The following BIN2 variants were observed in gnomAD, a reference collection of about 807,000 sequenced individuals.
The protein encoded by BIN2 is bridging integrator 2.
In BIN2, 43 loss-of-function variants were observed where a neutral mutation model predicts 67.9. That is an observed-to-expected ratio of 0.63 (90% CI 0.50 to 0.82). The LOEUF (loss-of-function observed/expected upper bound fraction) is 0.82, where lower values mean the gene tolerates loss of function less well. Ranked by LOEUF, BIN2 falls within the 40% of genes least tolerant of loss-of-function variation. The pLI, the probability that BIN2 is intolerant of heterozygous loss-of-function variation, is 0.00. For missense variants in BIN2, 581 were observed against 671.6 expected (o/e 0.87, Z 1.49); for synonymous variants, 244 against 246.8 (o/e 0.99, Z 0.11).
chr12:51,309,555 T>A (rs1174931716), intron 2 of BIN2, among the ~76,000 whole-genome samples: 1 of 117,582 alleles, frequency 8.5e-6, no homozygotes, highest in South Asian at 3.0e-4. Flanking sequence ...TTTTTCCTTA[T>A]TTTTTTTTTT....
rs138488696 is a variant in BIN2, at chr12:51,306,238, T to C, written c.163-3097A>G. ...AGTTTGAAGGGACATGAGGACACAG[T>C]CTTAAAGGAGTGAAAGGCACTGTCA... On this transcript the variant is annotated intron_variant, in intron 2 of 12. Coordinates refer to ENST00000615107, the MANE Select transcript of BIN2 (RefSeq NM_016293.4). Among the ~76,000 whole-genome samples, 21 of 152,230 alleles carry C rather than the reference T, an allele frequency of 1.4e-4. No individual in the cohort carries two copies. In the East Asian group the frequency reaches 4.0e-3, roughly 29 times the overall value.
Position 51,292,177 on chromosome 12 carries a change from G to A in BIN2, c.929C>T (p.Ser310Phe), listed in dbSNP as rs138195736. The A allele has an allele frequency of 6.2e-7, 1 of 1,613,562 alleles. No individual in the cohort carries two copies. The highest frequency in any genetic ancestry group is 1.7e-5 in the Admixed American group (1 of 59,996). Residue 310 changes from serine to phenylalanine, a missense_variant, in exon 10 of 13, where the codon TCT becomes TTT. Ser to Phe is a radical substitution (Grantham distance 155). Transcript: ENST00000615107. ...APDAAQGEDN[S>F]EIKELLEEEE... ...CTCTTCTAAGAGCTCCTTGATCTCA[G>A]AATTGTCTTCCCCTTGGGCTGCATC...
intron 3 of BIN2, 31 bp from the exon 4 acceptor site, chr12:51,302,811 T>C (rs201376152): frequency 1.2e-4 from 187 of 1,564,422 alleles, no homozygotes; most frequent in Middle Eastern, 1.7e-4. Flanking sequence ...CCCACCATCA[T>C]GTTTCCCCAA....
chr12:51,292,285 G>A lies in BIN2; in HGVS notation c.821C>T (p.Pro274Leu). 4 of 1,600,918 alleles carry A rather than the reference G, an allele frequency of 2.5e-6. No individual in the cohort carries two copies. The highest frequency in any genetic ancestry group is 3.4e-6 in the Non-Finnish European group (4 of 1,179,878). The part of the protein sequence containing the change: ...PPVRTATVSS[P>L]LTSPTSPSTL... ...AGAGGGACTAGTAGGTGAGGTAAGA[G>A]GACTGGAGACTGTAGCTGTTCGAAC... The change falls in exon 10 of 13, where the codon CCT (proline) becomes CTT (leucine). Residue 274 changes from proline (P) to leucine (L), a missense_variant. Pro to Leu is a moderately conservative substitution (Grantham distance 98). Coordinates refer to ENST00000615107, the MANE Select transcript of BIN2 (RefSeq NM_016293.4).
intron 12 of BIN2, 152 bp from the exon 13 acceptor site, chr12:51,281,680 A>G (rs1945122546): frequency 1.8e-5 from 13 of 729,854 alleles, no homozygotes; most frequent in Admixed American, 4.4e-5. Flanking sequence ...GGTTGTTGGG[A>G]TTATTGCAAG....
intron 5 of BIN2, among the ~76,000 whole-genome samples, chr12:51,299,998 C>T (rs928969534): frequency 5.3e-5 from 8 of 151,988 alleles, no homozygotes; most frequent in South Asian, 4.1e-4. Context: ...GCACCAAGCC[C>T]GGCTAATTTT....
chr12:51,294,593 C>T (rs1331169591), intron 9 of BIN2, among the ~76,000 whole-genome samples: 2 of 151,716 alleles, frequency 1.3e-5, no homozygotes, highest in East Asian at 1.9e-4. Flanking sequence ...AAAAAAACCC[C>T]CCAAAAACAT....
intron 2 of BIN2, among the ~76,000 whole-genome samples, chr12:51,305,455 C>T (rs918549831): frequency 6.6e-6 from 1 of 151,770 alleles, no homozygotes; most frequent in Admixed American, 6.6e-5. Flanking sequence ...GAAACCCTGT[C>T]CCTACTAAAA....
intron 2 of BIN2, among the ~76,000 whole-genome samples, chr12:51,313,228 AAGGCAGGC>A (rs768529869): frequency 1.4e-5 from 2 of 139,658 alleles, no homozygotes; most frequent in African/African-American, 2.6e-5. Flanking sequence ...GGAAGGCAGG[AAGGCAGGC>A]AGGCAGGCAG....
At chr12:51,282,668 T>C (rs1025018163) in intron 12 of BIN2, among the ~76,000 whole-genome samples, 4 of 152,200 alleles carry the variant, frequency 2.6e-5, no homozygotes, top group African/African-American at 9.6e-5. Context: ...CAATCCTGGC[T>C]CACTGCAGCT....
At chr12:51,321,974 C>T (rs1461190253) in intron 1 of BIN2, among the ~76,000 whole-genome samples, 2 of 152,318 alleles carry the variant, frequency 1.3e-5, no homozygotes, top group African/African-American at 2.4e-5. Context: ...CCCACCTTAT[C>T]GAAGTTCAAC....
chr12:51,323,982 TC>T (rs749139429), intron 1 of BIN2, 39 bp downstream of exon 1: 1 of 1,606,840 alleles, frequency 6.2e-7, no homozygotes, highest in Admixed American at 1.7e-5. Flanking sequence ...CGGCCTCGGC[TC>T]CCTGTGGGCC....
chr12:51,304,774 AG>A (rs1945824032), intron 2 of BIN2, among the ~76,000 whole-genome samples: 1 of 149,654 alleles, frequency 6.7e-6, no homozygotes, highest in Non-Finnish European at 1.5e-5. Context: ...CCCAGCACTT[AG>A]GGAGGCCGAG....
chr12:51,305,133 T>C (rs1290211275), intron 2 of BIN2, among the ~76,000 whole-genome samples: 2 of 150,582 alleles, frequency 1.3e-5, no homozygotes, highest in Non-Finnish European at 2.9e-5. Context: ...GGTCAGGAGT[T>C]TGAGACCAGC....
At chr12:51,307,634 G>A (rs886273600) in intron 2 of BIN2, among the ~76,000 whole-genome samples, 8 of 151,740 alleles carry the variant, frequency 5.3e-5, no homozygotes, top group Admixed American at 2.0e-4. Flanking sequence ...GCTTGAACCC[G>A]GGGGCACAGA....
At chr12:51,292,391 CAATGTA>C in intron 9 of BIN2, 47 bp from the exon 10 acceptor site, 2 of 1,501,310 alleles carry the variant, frequency 1.3e-6, no homozygotes, top group Non-Finnish European at 1.8e-6. Context: ...AAACCAGAAG[CAATGTA>C]AATATGCAAA....
intron 2 of BIN2, among the ~76,000 whole-genome samples, chr12:51,308,179 CAT>C (rs1228555594): frequency 9.9e-5 from 15 of 152,126 alleles, no homozygotes; most frequent in Middle Eastern, 3.2e-3. Flanking sequence ...ATGTGACTCT[CAT>C]AGTCTTGGGT....
intron 2 of BIN2, among the ~76,000 whole-genome samples, chr12:51,310,846 G>A (rs763844675): frequency 2.6e-5 from 4 of 151,554 alleles, no homozygotes; most frequent in Non-Finnish European, 5.9e-5. Flanking sequence ...CTGTAGCCTC[G>A]ACCTGAGACT....
Position 51,308,757 on chromosome 12 carries a change from T to C in BIN2, c.162+5066A>G, listed in dbSNP as rs565701936. ...TGCTTGAGGAAAATAATCCTTCCTA[T>C]GTAATACACTGAAGAGAAGGAAAAG... is the stretch of plus-strand genomic sequence containing the variant. On this transcript the variant is annotated intron_variant, in intron 2 of 12. Coordinates refer to ENST00000615107, the MANE Select transcript of BIN2 (RefSeq NM_016293.4). Among the ~76,000 whole-genome samples, 6 of 152,272 alleles carry C rather than the reference T, an allele frequency of 3.9e-5. No homozygotes were observed. In the East Asian group the frequency reaches 7.7e-4, roughly 20 times the overall value.
Sources: gnomAD v4.1 joint callset for allele counts (sites outside exome capture counted in the v4.1 genomes callset) on GRCh38, gnomAD v4.1.1 for gene constraint, MANE v1.5 for transcripts, NCBI Gene and HGNC (gene_info 2026-07-23, HGNC 2026-07-21) for gene names.